The following OPHN1 variants were observed in gnomAD, a reference collection of about 807,000 sequenced individuals.
The protein encoded by OPHN1 is oligophrenin-1.
OPHN1 carries 11 observed loss-of-function variants against 60.7 expected under a neutral mutation model. The ratio of observed to expected loss-of-function variants is 0.18; its 90% CI spans 0.11 to 0.30. The LOEUF (loss-of-function observed/expected upper bound fraction) is 0.30. Ranked by LOEUF, OPHN1 falls within the 10% of genes least tolerant of loss-of-function variation. The pLI is 1.00. For missense variants in OPHN1, 449 were observed against 611.0 expected, an observed-to-expected ratio of 0.73 and a Z score of 2.80; for synonymous variants, 226 against 222.6, an observed-to-expected ratio of 1.02 and a Z score of -0.14.
At chrX:68,203,593 A>C (rs1472148638) in intron 10 of OPHN1, among the ~76,000 whole-genome samples, 3 of 111,707 alleles carry the variant, frequency 2.7e-5, no homozygotes, top group Non-Finnish European at 5.6e-5. Context: ...GACTCACTCT[A>C]TCTCTTTAAA....
At chrX:68,176,586 G>C (rs1209623962) in intron 15 of OPHN1, among the ~76,000 whole-genome samples, 1 of 111,707 alleles carries the variant, frequency 9.0e-6, no homozygotes, top group Non-Finnish European at 1.9e-5. Flanking sequence ...ACTGTTGGTG[G>C]CAATGTGAAA....
intron 15 of OPHN1, among the ~76,000 whole-genome samples, chrX:68,189,713 G>T (rs2077479625): frequency 9.0e-6 from 1 of 111,621 alleles, no homozygotes; most frequent in Non-Finnish European, 1.9e-5. Flanking sequence ...TGTAGGCAAG[G>T]AATGTGACCA....
At chrX:68,302,322 G>T (rs990306350) in intron 2 of OPHN1, among the ~76,000 whole-genome samples, 2 of 112,003 alleles carry the variant, frequency 1.8e-5, no homozygotes, top group East Asian at 5.6e-4. Flanking sequence ...AGGCGCAGTA[G>T]CTCATGCCTA....
chrX:68,358,681 A>G (rs2078454672), intron 2 of OPHN1, among the ~76,000 whole-genome samples: 1 of 112,169 alleles, frequency 8.9e-6, no homozygotes, highest in African/African-American at 3.2e-5. Context: ...TTTGTCAAAT[A>G]TCTAGTTTTG....
chrX:68,119,387 T>G (rs974075433), intron 15 of OPHN1, 55 bp from the exon 16 acceptor site: 2 of 901,742 alleles, frequency 2.2e-6, no homozygotes. Flanking sequence ...AAATCTTACA[T>G]TTTCCCTCTT....
chrX:68,193,584 G>A (rs753334382), intron 14 of OPHN1, among the ~76,000 whole-genome samples: 5 of 111,803 alleles, frequency 4.5e-5, no homozygotes, highest in South Asian at 7.5e-4. Flanking sequence ...ATACCAGTAT[G>A]TACTGTGGCA....
At chrX:68,406,290 G>C (rs1602395386) in intron 2 of OPHN1, among the ~76,000 whole-genome samples, 1 of 111,502 alleles carries the variant, frequency 9.0e-6, no homozygotes, top group South Asian at 3.7e-4. Context: ...CTTTAGATTA[G>C]ATAATAGTAT....
chrX:68,255,738 C>CAT (rs1261820494), intron 5 of OPHN1, among the ~76,000 whole-genome samples: 1 of 109,372 alleles, frequency 9.1e-6, no homozygotes, highest in African/African-American at 3.4e-5. Flanking sequence ...CACACACACA[C>CAT]AAACACACAC....
rs770395065 is a variant in OPHN1, at chrX:68,197,189, T to C, written c.1101A>G (p.Glu367=). The C allele has an allele frequency of 3.3e-5, 40 of 1,203,936 alleles. No individual in the cohort carries two copies. Among genetic ancestry groups the C allele is most frequent in the Non-Finnish European group, 4.2e-5 (37 of 890,344 alleles). The change falls in exon 12 of 25, where the codon GAA becomes GAG. Residue 367 remains glutamate (E), a synonymous_variant. Coordinates refer to ENST00000355520, the MANE Select transcript of OPHN1 (RefSeq NM_002547.3). ...TCCCCAGTGTCAGGTAACTTACAGG[T>C]TCTTTCCCATCCATGGCTTCCATCC... is the stretch of plus-strand genomic sequence containing the variant. ...RLWMEAMDGK[E]PIYHSPITKQ...
chrX:68,164,790 C>T (rs755328595), intron 15 of OPHN1, among the ~76,000 whole-genome samples: 54 of 112,216 alleles, frequency 4.8e-4, no homozygotes, highest in African/African-American at 1.6e-3. Flanking sequence ...AGGACTTTCA[C>T]TAGAAAGCTG....
intron 19 of OPHN1, among the ~76,000 whole-genome samples, chrX:68,087,212 T>C (rs2076998912): frequency 8.9e-6 from 1 of 112,095 alleles, no homozygotes; most frequent in Non-Finnish European, 1.9e-5. Flanking sequence ...GCTTATTTGT[T>C]TTCTGGGCAT....
Position 68,133,460 on chromosome X carries a change from G to A in OPHN1, c.1277-14128C>T. On this transcript the variant is annotated intron_variant, in intron 15 of 24. Coordinates refer to ENST00000355520, the MANE Select transcript of OPHN1 (RefSeq NM_002547.3). ...TGTCCTGAAGCTTTGTTATGTATCT[G>A]GGTACCAGGTTTAACCTCAAGAGAT... is the stretch of plus-strand genomic sequence containing the variant. 3 of 581,675 alleles carry A rather than the reference G, an allele frequency of 5.2e-6. No individual in the cohort carries two copies. The South Asian group carries it at 6.8e-5, about 13-fold the overall frequency. 47.9% of individuals were successfully genotyped at this position (581,675 alleles called of 1,213,427 possible). A position where few individuals can be genotyped will look rare whatever the true frequency, so the allele number is the denominator to read the frequency against.
At chrX:68,247,687 G>A (rs753060602) in intron 5 of OPHN1, among the ~76,000 whole-genome samples, 34 of 108,820 alleles carry the variant, frequency 3.1e-4, no homozygotes, top group Non-Finnish European at 5.5e-4. Context: ...GGGAGGCCAA[G>A]GCGGGAGGAT....
intron 20 of OPHN1, among the ~76,000 whole-genome samples, chrX:68,068,296 C>G (rs1372704250): frequency 9.2e-6 from 1 of 108,465 alleles, no homozygotes; most frequent in Non-Finnish European, 1.9e-5. Context: ...ACAGTGAAAC[C>G]CCATCTCTAC....
Position 68,123,788 on chromosome X carries a change from A to G in OPHN1, c.1277-4456T>C, listed in dbSNP as rs758337378. Among the ~76,000 whole-genome samples, 33 of 111,238 alleles carry G rather than the reference A, an allele frequency of 3.0e-4. 1 individual carries two copies. The highest frequency in any genetic ancestry group is 7.6e-4 in the South Asian group (2 of 2,642). Reference sequence around the variant, plus strand: ...AATTAAAATCATACCACTAGAGAAAATCTACTTCACTAAAAAGACAGGAAG... The same window carrying G: ...AATTAAAATCATACCACTAGAGAAAGTCTACTTCACTAAAAAGACAGGAAG... On this transcript the variant is annotated intron_variant, in intron 15 of 24. Coordinates refer to ENST00000355520, the MANE Select transcript of OPHN1 (RefSeq NM_002547.3).
chrX:68,191,554 G>A (rs1434706083), intron 15 of OPHN1, among the ~76,000 whole-genome samples: 2 of 111,881 alleles, frequency 1.8e-5, no homozygotes, highest in African/African-American at 6.5e-5. Context: ...CTAGAAAACT[G>A]GACAGTATAT....
At chrX:68,125,956 T>TATATATATATATATATATATATAC (rs2077169399) in intron 15 of OPHN1, among the ~76,000 whole-genome samples, 2 of 76,359 alleles carry the variant, frequency 2.6e-5, no homozygotes, top group African/African-American at 1.0e-4. Context: ...TATATATATA[T>TATATATATATATATATATATATAC]ACATACACAC....
At chrX:68,422,699 AAG>A (rs202003559) in intron 2 of OPHN1, among the ~76,000 whole-genome samples, 133 of 85,336 alleles carry the variant, frequency 1.6e-3, no homozygotes, top group African/African-American at 3.8e-3. Flanking sequence ...GAAAGAAGGA[AAG>A]AGAGAGAGAG....
In OPHN1 at chrX:68,107,366, T is replaced by G. The variant is rs191376311; in HGVS notation, c.1526+4488A>C. On this transcript the variant is annotated intron_variant, in intron 18 of 24. Transcript: ENST00000355520. ...AAGCCTTTTCAAAAGCTTTATAGAC[T>G]GTCAAATACTGTGTGTTTTTCTATA... Among the ~76,000 whole-genome samples the G allele has an allele frequency of 4.8e-3, 540 of 111,913 alleles. 3 individuals are homozygous for G. The highest frequency in any genetic ancestry group is 7.7e-3 in the Non-Finnish European group (409 of 53,172).
Sources: allele counts gnomAD v4.1 joint callset (sites outside exome capture counted in the v4.1 genomes callset), GRCh38; gene constraint gnomAD v4.1.1; transcripts MANE v1.5; gene names NCBI Gene and HGNC (gene_info 2026-07-23, HGNC 2026-07-21).